The following RTF1 variants were observed in gnomAD, a reference collection of about 807,000 sequenced individuals.
RTF1 encodes RTF1 homolog, Paf1/RNA polymerase II complex component, also known as RNA polymerase-associated protein RTF1 homolog.
A neutral mutation model predicts 95.7 loss-of-function variants in RTF1; 10 were observed. The ratio of observed to expected loss-of-function variants is 0.10; its 90% CI spans 0.06 to 0.18. RTF1 has a LOEUF of 0.18. RTF1 is among the 10% of genes least tolerant of loss of function. RTF1 has a pLI of 1.00. For missense variants in RTF1, 458 were observed against 875.6 expected, an observed-to-expected ratio of 0.52 and a Z score of 6.02; for synonymous variants, 305 against 311.8, an observed-to-expected ratio of 0.98 and a Z score of 0.23.
chr15:41,424,817 G>A (rs2050620476), intron 1 of RTF1, among the ~76,000 whole-genome samples: 3 of 151,988 alleles, frequency 2.0e-5, no homozygotes, highest in South Asian at 4.2e-4. Context: ...TCGACCAGGC[G>A]GGCCAACATG....
chr15:41,479,967 G>T (rs911373256), intron 16 of RTF1, among the ~76,000 whole-genome samples: 16 of 151,862 alleles, frequency 1.1e-4, no homozygotes, highest in African/African-American at 3.6e-4. Flanking sequence ...GAAGTGACCC[G>T]TTGCTTAAGC....
intron 2 of RTF1, among the ~76,000 whole-genome samples, chr15:41,439,177 A>T (rs919199135): frequency 2.0e-5 from 3 of 150,326 alleles, no homozygotes; most frequent in African/African-American, 7.3e-5. Flanking sequence ...GACTACAGGC[A>T]CCCGCCACCA....
chr15:41,436,855 G>T (rs1481664058), intron 1 of RTF1, among the ~76,000 whole-genome samples: 2 of 151,432 alleles, frequency 1.3e-5, no homozygotes, highest in Admixed American at 6.6e-5. Flanking sequence ...TTGGGAGGTC[G>T]AGTTGGGCGG....
rs760447239 is a variant in RTF1, at chr15:41,477,314, G to A, written c.1682+28G>A. 25 of 1,613,898 alleles carry A rather than the reference G, an allele frequency of 1.5e-5. 1 individual carries two copies. Among genetic ancestry groups the A allele is most frequent in the East Asian group, 2.2e-5 (1 of 44,890 alleles). Reference sequence around the variant, plus strand: ...GTGTTATGGAGCCTATTTTTGGCCCGCAGACCTTGGCCAAAATTATCAGGC... The same window carrying A: ...GTGTTATGGAGCCTATTTTTGGCCCACAGACCTTGGCCAAAATTATCAGGC... On this transcript the variant is annotated intron_variant, in intron 13 of 17. Transcript: ENST00000389629.
In RTF1 at chr15:41,458,939, G is replaced by A. The variant is rs117203317; in HGVS notation, c.662+1063G>A. On this transcript the variant is annotated intron_variant, in intron 4 of 17. Transcript: ENST00000389629. The stretch of plus-strand genomic sequence containing the variant: ...TACAAAAAATTAGCCAAGCATGGTC[G>A]TACGCATCTGTAATCCCAGCTATTC... Among the ~76,000 whole-genome samples the A allele has an allele frequency of 1.8e-4, 27 of 151,858 alleles. No homozygotes were observed. In the East Asian group the frequency reaches 3.1e-3, roughly 17 times the overall value.
Position 41,466,177 on chromosome 15 carries a change from G to T in RTF1, c.814G>T (p.Asp272Tyr). Reference protein sequence around the residue: ...SHNKERRSKRDEKLDKKSQAM... With the variant: ...SHNKERRSKRYEKLDKKSQAM... ...CAACAAGGAACGGCGTTCCAAGCGGGATGAGAAACTAGACAAGAAATCTCA... is the reference window on the plus strand; with the variant it reads ...CAACAAGGAACGGCGTTCCAAGCGGTATGAGAAACTAGACAAGAAATCTCA... Residue 272 changes from aspartate to tyrosine, a missense_variant, in exon 6 of 18, where the codon GAT becomes TAT. Coordinates refer to ENST00000389629, the MANE Select transcript of RTF1 (RefSeq NM_015138.5). 2 of 1,593,060 alleles carry T rather than the reference G, an allele frequency of 1.3e-6. No homozygotes were observed. The highest frequency in any genetic ancestry group is 1.7e-6 in the Non-Finnish European group (2 of 1,170,542).
At chr15:41,440,968 CTTTTTTTT>C (rs55996061) in intron 2 of RTF1, among the ~76,000 whole-genome samples, 1 of 115,428 alleles carries the variant, frequency 8.7e-6, no homozygotes, top group Non-Finnish European at 1.8e-5. Context: ...CTAGTCCCCT[CTTTTTTTT>C]TTTTTTTTTT....
At chr15:41,425,181 A>G (rs1015462440) in intron 1 of RTF1, among the ~76,000 whole-genome samples, 1 of 151,954 alleles carries the variant, frequency 6.6e-6, no homozygotes, top group Non-Finnish European at 1.5e-5. Flanking sequence ...CTGCCACTGC[A>G]AGCTTCGCCT....
At chr15:41,454,656 T>G (rs936723914) in intron 3 of RTF1, among the ~76,000 whole-genome samples, 1 of 152,022 alleles carries the variant, frequency 6.6e-6, no homozygotes, top group African/African-American at 2.4e-5. Flanking sequence ...TAATCCAAAT[T>G]AAAATAATGG....
At chr15:41,479,864 CAAAA>C (rs72095200) in intron 16 of RTF1, among the ~76,000 whole-genome samples, 5 of 86,020 alleles carry the variant, frequency 5.8e-5, no homozygotes, top group African/African-American at 1.2e-4. Context: ...ACTCCCACCT[CAAAA>C]AAAAAAAAAA....
intron 6 of RTF1, among the ~76,000 whole-genome samples, chr15:41,466,757 T>C (rs368581353): frequency 1.5e-4 from 23 of 152,210 alleles, no homozygotes; most frequent in Admixed American, 9.2e-4. Flanking sequence ...CCTTAAGGCA[T>C]TTAATCTGTA....
chr15:41,468,281 T>C (rs1187222547), intron 6 of RTF1, among the ~76,000 whole-genome samples: 3 of 152,030 alleles, frequency 2.0e-5, no homozygotes, highest in Non-Finnish European at 2.9e-5. Flanking sequence ...GAATCTGTCA[T>C]TCTTTCCTCA....
chr15:41,480,084 A>C, intron 16 of RTF1, 130 bp from the exon 17 acceptor site: 4 of 629,060 alleles, frequency 6.4e-6, no homozygotes, highest in Non-Finnish European at 1.1e-5. Flanking sequence ...TGAGAGAAGG[A>C]ATCAGAAAGG....
intron 6 of RTF1, among the ~76,000 whole-genome samples, chr15:41,469,597 C>T (rs1449310327): frequency 6.6e-6 from 1 of 151,272 alleles, no homozygotes; most frequent in African/African-American, 2.4e-5. Flanking sequence ...ACAGTCTTGG[C>T]TCACTGCAAC....
At chr15:41,436,145 A>G (rs2050700972) in intron 1 of RTF1, among the ~76,000 whole-genome samples, 1 of 152,012 alleles carries the variant, frequency 6.6e-6, no homozygotes, top group Non-Finnish European at 1.5e-5. Flanking sequence ...CATTTCTACT[A>G]AAAGTACAAA....
chr15:41,461,235 G>T (rs1181625810), intron 4 of RTF1, among the ~76,000 whole-genome samples: 6 of 151,752 alleles, frequency 4.0e-5, no homozygotes, highest in Admixed American at 3.9e-4. Flanking sequence ...CAGGGACGGG[G>T]TTTCACCATG....
chr15:41,478,381 A>G, intron 14 of RTF1, 167 bp from the exon 15 acceptor site: 1 of 604,966 alleles, frequency 1.7e-6, no homozygotes. Flanking sequence ...AGCCTAGGCG[A>G]CAGGGCGAGA....
intron 14 of RTF1, 70 bp from the exon 15 acceptor site, chr15:41,478,478 C>T: frequency 9.2e-7 from 1 of 1,090,094 alleles, no homozygotes; most frequent in Non-Finnish European, 1.4e-6. Context: ...GACTTATTTG[C>T]CTGTGAGCTT....
At chr15:41,474,577 G>A (rs757604400) in intron 8 of RTF1, 43 bp from the exon 9 acceptor site, 8 of 1,374,052 alleles carry the variant, frequency 5.8e-6, no homozygotes, top group South Asian at 1.2e-5. Flanking sequence ...GGAAAGCTCC[G>A]GAAGAGTCTG....
Sources: allele counts gnomAD v4.1 joint callset (sites outside exome capture counted in the v4.1 genomes callset), GRCh38; gene constraint gnomAD v4.1.1; transcripts MANE v1.5; gene names NCBI Gene and HGNC (gene_info 2026-07-23, HGNC 2026-07-21).